Variants in TAFA1 observed in about 807,000 individuals in gnomAD.
The protein encoded by TAFA1 is chemokine-like protein TAFA-1.
TAFA1 carries 4 observed loss-of-function variants against 18.5 expected under a neutral mutation model. The observed-to-expected ratio is 0.22, with a 90% CI of 0.11 to 0.49. TAFA1 has a LOEUF of 0.49. Among genes scored for constraint, TAFA1 ranks in the 20% least tolerant of loss-of-function variants. The pLI is 0.98. For missense variants in TAFA1, 147 were observed against 169.0 expected, an observed-to-expected ratio of 0.87 and a Z score of 0.72; for synonymous variants, 56 against 55.2, an observed-to-expected ratio of 1.01 and a Z score of -0.06.
chr3:68,405,050 T>A (rs956801080), intron 2 of TAFA1, among the ~76,000 whole-genome samples: 11 of 152,118 alleles, frequency 7.2e-5, no homozygotes, highest in African/African-American at 2.7e-4. Flanking sequence ...AGAAAAGAAA[T>A]ATCATAAAAT....
At chr3:67,999,804 T>C (rs1367284257), upstream of TAFA1, among the ~76,000 whole-genome samples, 1 of 151,908 alleles carries the variant, frequency 6.6e-6, no homozygotes, top group Non-Finnish European at 1.5e-5. Flanking sequence ...TTTCTTTTTT[T>C]TTTTTTTGAG....
intron 2 of TAFA1, among the ~76,000 whole-genome samples, chr3:68,357,684 T>C (rs2069391535): frequency 6.6e-6 from 1 of 151,890 alleles, no homozygotes; most frequent in Non-Finnish European, 1.5e-5. Context: ...TCTTGTCAAC[T>C]ATATTCTTTC....
intron 2 of TAFA1, among the ~76,000 whole-genome samples, chr3:68,033,936 G>T (rs1704991526): frequency 6.6e-6 from 1 of 152,154 alleles, no homozygotes; most frequent in Non-Finnish European, 1.5e-5. Context: ...AAGAAATATG[G>T]ACAGGTTACA....
intron 2 of TAFA1, among the ~76,000 whole-genome samples, chr3:68,356,020 T>C (rs1575801234): frequency 6.6e-6 from 1 of 152,030 alleles, no homozygotes; most frequent in East Asian, 1.9e-4. Flanking sequence ...GCTCCTCAAA[T>C]ACAGTAGCTA....
At chr3:68,341,814 T>C (rs2069090062) in intron 2 of TAFA1, among the ~76,000 whole-genome samples, 1 of 152,150 alleles carries the variant, frequency 6.6e-6, no homozygotes, top group Non-Finnish European at 1.5e-5. Context: ...GAAGTAAAGG[T>C]TAGAGATAGA....
At chr3:68,133,747 G>C (rs2065571712) in intron 2 of TAFA1, among the ~76,000 whole-genome samples, 1 of 152,058 alleles carries the variant, frequency 6.6e-6, no homozygotes, top group Non-Finnish European at 1.5e-5. Flanking sequence ...AAACAACCAA[G>C]CTGCCCTCAC....
At chr3:68,030,091 A>G (rs1412204691) in intron 2 of TAFA1, among the ~76,000 whole-genome samples, 3 of 152,216 alleles carry the variant, frequency 2.0e-5, no homozygotes, top group Non-Finnish European at 2.9e-5. Flanking sequence ...GTTTTGTAAG[A>G]TGAAGAAATT....
upstream of TAFA1, among the ~76,000 whole-genome samples, chr3:68,001,588 T>C (rs1704284358): frequency 6.6e-6 from 1 of 151,938 alleles, no homozygotes; most frequent in Non-Finnish European, 1.5e-5. Context: ...TGTTTTTTTT[T>C]TTTTGGTTGC....
At chr3:68,313,897 A>C (rs1433234584) in intron 2 of TAFA1, among the ~76,000 whole-genome samples, 1 of 152,232 alleles carries the variant, frequency 6.6e-6, no homozygotes, top group Non-Finnish European at 1.5e-5. Context: ...TTATTTTAAG[A>C]AGTGGGTATG....
At chr3:68,087,459 C>T (rs2064983842) in intron 2 of TAFA1, among the ~76,000 whole-genome samples, 1 of 152,018 alleles carries the variant, frequency 6.6e-6, no homozygotes, top group Non-Finnish European at 1.5e-5. Flanking sequence ...TTTATAACTA[C>T]CACCTACAGA....
chr3:68,313,362 T>C (rs1213773761), intron 2 of TAFA1, among the ~76,000 whole-genome samples: 1 of 152,166 alleles, frequency 6.6e-6, no homozygotes, highest in East Asian at 1.9e-4. Flanking sequence ...TCGTCCTAGA[T>C]GCTAGATAGG....
intron 3 of TAFA1, among the ~76,000 whole-genome samples, chr3:68,524,585 C>A (rs888031804): frequency 2.0e-5 from 3 of 152,096 alleles, no homozygotes; most frequent in African/African-American, 7.2e-5. Context: ...TTTAAGCTAC[C>A]ACAAGATTCC....
intron 2 of TAFA1, among the ~76,000 whole-genome samples, chr3:68,279,801 A>C (rs1175973511): frequency 6.6e-6 from 1 of 152,312 alleles, no homozygotes; most frequent in South Asian, 2.1e-4. Flanking sequence ...ATAACACAAC[A>C]TGTGCATTAC....
At chr3:68,138,639 C>T (rs780205290) in intron 2 of TAFA1, among the ~76,000 whole-genome samples, 1 of 152,164 alleles carries the variant, frequency 6.6e-6, no homozygotes, top group Admixed American at 6.6e-5. Context: ...GCTGATGGAA[C>T]ATGAGACAAG....
At chr3:68,102,511 G>T (rs1289931903) in intron 2 of TAFA1, among the ~76,000 whole-genome samples, 1 of 152,080 alleles carries the variant, frequency 6.6e-6, no homozygotes, top group African/African-American at 2.4e-5. Flanking sequence ...TGCACAGAAG[G>T]CTGGCTCTCA....
At chr3:68,302,547 T>C (rs1025432478) in intron 2 of TAFA1, among the ~76,000 whole-genome samples, 2 of 149,166 alleles carry the variant, frequency 1.3e-5, no homozygotes, top group Non-Finnish European at 3.0e-5. Context: ...TAATCTTTCT[T>C]TTTTTTTTTA....
intron 2 of TAFA1, among the ~76,000 whole-genome samples, chr3:68,115,554 C>T (rs565888695): frequency 1.3e-5 from 2 of 152,226 alleles, no homozygotes; most frequent in African/African-American, 2.4e-5. Context: ...TTTAATGGAA[C>T]AGGTTGAGGT....
At chr3:68,020,467 G>A (rs934515285) in intron 2 of TAFA1, among the ~76,000 whole-genome samples, 130 of 152,214 alleles carry the variant, frequency 8.5e-4, no homozygotes, top group African/African-American at 2.5e-3. Flanking sequence ...TAGCGATAAT[G>A]TGTATTCTGT....
In TAFA1 at chr3:68,477,562, G is replaced by A. The variant is rs149461752; in HGVS notation, c.259+60142G>A. On this transcript the variant is annotated intron_variant, in intron 3 of 4. Coordinates refer to ENST00000478136, the MANE Select transcript of TAFA1 (RefSeq NM_213609.4). ...GCTAATTTTTTTTTTTGTATTTGTA[G>A]TAGAGATGGGGTTTCACTATGTTGG... is the stretch of plus-strand genomic sequence containing the variant. Among the ~76,000 whole-genome samples the A allele has an allele frequency of 9.9e-3, 1,503 of 152,000 alleles. 24 individuals carry two copies. Among genetic ancestry groups the A allele is most frequent in the African/African-American group, 0.035 (1,433 of 41,470 alleles).
Sources: gnomAD v4.1 joint callset for allele counts (sites outside exome capture counted in the v4.1 genomes callset) on GRCh38, gnomAD v4.1.1 for gene constraint, MANE v1.5 for transcripts, NCBI Gene and HGNC (gene_info 2026-07-23, HGNC 2026-07-21) for gene names.